Variants in AGAP1 observed in about 807,000 individuals in gnomAD.
The protein encoded by AGAP1 is ArfGAP with GTPase domain, ankyrin repeat and PH domain 1.
In AGAP1, 29 loss-of-function variants were observed where a neutral mutation model predicts 105.3. That is an observed-to-expected ratio of 0.28 (90% CI 0.21 to 0.38). The LOEUF (loss-of-function observed/expected upper bound fraction) is 0.38, where lower values mean the gene tolerates loss of function less well. Ranked by LOEUF, AGAP1 falls within the 10% of genes least tolerant of loss-of-function variation. The probability of loss-of-function intolerance (pLI) is 1.00; values close to 1 mark genes in which losing one functional copy is unlikely to be tolerated. For missense variants in AGAP1, 998 were observed against 1,165.1 expected, an observed-to-expected ratio of 0.86 and a Z score of 2.09; for synonymous variants, 509 against 485.9, an observed-to-expected ratio of 1.05 and a Z score of -0.63.
intron 1 of AGAP1, among the ~76,000 whole-genome samples, chr2:235,500,057 G>A (rs1247280432): frequency 2.0e-5 from 3 of 152,162 alleles, no homozygotes. Flanking sequence ...TGGGAACTCA[G>A]TGTCATGTGG....
Position 235,797,848 on chromosome 2 carries a change from G to A in AGAP1, c.763G>A (p.Val255Ile), listed in dbSNP as rs367742479. The A allele has an allele frequency of 2.0e-5, 32 of 1,614,190 alleles. No homozygotes were observed. Among genetic ancestry groups the A allele is most frequent in the African/African-American group, 6.7e-5 (5 of 75,044 alleles). The change falls in exon 7 of 18, where the codon GTC becomes ATC. Residue 255 changes from valine (V) to isoleucine (I), a missense_variant. This residue lies in a region of AGAP1 where 735 missense variants were observed against 833.4 expected (regional missense o/e 0.88). Coordinates refer to ENST00000304032, the MANE Select transcript of AGAP1 (RefSeq NM_001037131.3). ...ACCTAATTCTCCCAGCCATTCCTCC[G>A]TCTGTTCCGCGCAGGTGTCTGCCGT... is the stretch of plus-strand genomic sequence containing the variant. ...SLPNSPSHSS[V>I]CSAQVSAVHI...
At chr2:235,653,411 C>T (rs945350007) in intron 1 of AGAP1, among the ~76,000 whole-genome samples, 1 of 151,976 alleles carries the variant, frequency 6.6e-6, no homozygotes, top group Non-Finnish European at 1.5e-5. Context: ...TTGCAGTGAG[C>T]CGAGATAGCG....
intron 9 of AGAP1, among the ~76,000 whole-genome samples, chr2:235,810,520 A>G (rs115271056): frequency 0.015 from 2,356 of 152,264 alleles, 46 homozygotes; most frequent in African/African-American, 0.053. Context: ...GCAGCCTTCA[A>G]CACTCTCTGC....
At chr2:235,677,073 G>A (rs1240014552) in intron 1 of AGAP1, among the ~76,000 whole-genome samples, 2 of 152,214 alleles carry the variant, frequency 1.3e-5, no homozygotes, top group Admixed American at 6.5e-5. Flanking sequence ...CCCTAGAACT[G>A]TGTTTCCCAT....
rs562177691 is a variant in AGAP1 at position 235,688,944 on chromosome 2, C to T, written c.164-20235C>T. On this transcript the variant is annotated intron_variant, in intron 1 of 17. Transcript: ENST00000304032. ...CAATTGCAGCAGCAGCAGCCGCACCCGTGTAACGTTCGCCAAGCTGGGTAC... is the reference window on the plus strand; with the variant it reads ...CAATTGCAGCAGCAGCAGCCGCACCTGTGTAACGTTCGCCAAGCTGGGTAC... 5.9e-5 allele frequency among the ~76,000 whole-genome samples: 9 copies of T among 152,292 alleles called. No homozygotes were observed. In the South Asian group the frequency reaches 1.9e-3, roughly 32 times the overall value.
chr2:235,825,328 C>T (rs919064487), intron 9 of AGAP1, among the ~76,000 whole-genome samples: 1 of 152,260 alleles, frequency 6.6e-6, no homozygotes, highest in East Asian at 1.9e-4. Flanking sequence ...CTTTGAACAG[C>T]TGCCACCATG....
intron 1 of AGAP1, among the ~76,000 whole-genome samples, chr2:235,498,967 G>A (rs1038341967): frequency 6.6e-6 from 1 of 152,232 alleles, no homozygotes; most frequent in African/African-American, 2.4e-5. Flanking sequence ...AGATGGGTCA[G>A]GGTTCCCCAC....
At chr2:235,790,353 CA>C (rs1956900117) in intron 6 of AGAP1, among the ~76,000 whole-genome samples, 1 of 152,204 alleles carries the variant, frequency 6.6e-6, no homozygotes, top group South Asian at 2.1e-4. Context: ...GGTAGAGGGA[CA>C]GTTTTAGATA....
At chr2:235,507,904 C>G (rs542794486) in intron 1 of AGAP1, among the ~76,000 whole-genome samples, 10 of 152,276 alleles carry the variant, frequency 6.6e-5, no homozygotes, top group Admixed American at 6.5e-4. Flanking sequence ...TATTACAACG[C>G]ATAGTAAGTA....
At position 235,566,027 on chromosome 2, in the gene AGAP1, C is replaced by T. The variant is rs1944334807; in HGVS notation, c.163+71178C>T. Among the ~76,000 whole-genome samples the T allele has an allele frequency of 6.6e-6, 1 of 152,096 alleles. No individual in the cohort carries two copies. Among genetic ancestry groups the T allele is most frequent in the South Asian group, 2.1e-4 (1 of 4,818 alleles). On this transcript the variant is annotated intron_variant, in intron 1 of 17. Coordinates refer to ENST00000304032, the MANE Select transcript of AGAP1 (RefSeq NM_001037131.3). This position sits in a 1 kb window ranked among gnomAD's most constrained non-coding sequence, Gnocchi z 5.2. ...TAGTGAGTACTTGTACACTGATTGC[C>T]AAGATTCTGTAAACAATATTTCCCT...
At chr2:235,694,729 C>G (rs1949917818) in intron 1 of AGAP1, among the ~76,000 whole-genome samples, 1 of 152,168 alleles carries the variant, frequency 6.6e-6, no homozygotes, top group Non-Finnish European at 1.5e-5. Context: ...CAGGCATCTC[C>G]TGGGCACCTT....
chr2:235,906,556 C>T lies in AGAP1; in HGVS notation c.1156-2182C>T, dbSNP rs1408792560. Among the ~76,000 whole-genome samples the T allele has an allele frequency of 6.6e-6, 1 of 152,136 alleles. No homozygotes were observed. ...GCCCTCATGTAAAGAGGTTCTCCTC[C>T]CGCCCGTCCTGCCGTTGAGAATTCC... On this transcript the variant is annotated intron_variant, in intron 10 of 17. Transcript: ENST00000304032. The surrounding 1 kb of genome is among the most constrained non-coding windows in gnomAD (Gnocchi z 5.3).
chr2:236,028,593 CTGTTA>C (rs1271080601), intron 13 of AGAP1, among the ~76,000 whole-genome samples: 2 of 152,246 alleles, frequency 1.3e-5, no homozygotes, highest in Admixed American at 1.3e-4. Flanking sequence ...TTGCCAACTG[CTGTTA>C]TGATTTTTAA....
In AGAP1 at chr2:235,908,132, C is replaced by A. The variant is rs1159529774; in HGVS notation, c.1156-606C>A. On this transcript the variant is annotated intron_variant, in intron 10 of 17. Transcript: ENST00000304032. This position sits in a 1 kb window ranked among gnomAD's most constrained non-coding sequence, Gnocchi z 4.4. ...CTCCACAGTGAGTTAAGTGAGCTGC[C>A]AGAGAGCAGTCACTGTCCACCGAGG... Among the ~76,000 whole-genome samples the A allele has an allele frequency of 6.6e-6, 1 of 152,156 alleles. No homozygotes were observed. Among genetic ancestry groups the A allele is most frequent in the Non-Finnish European group, 1.5e-5 (1 of 68,044 alleles).
rs1173393763 is a variant in AGAP1 at position 235,807,301 on chromosome 2, T to C, written c.1020T>C (p.Ile340=). ...KKGLESRADS[I]GSGRAIPIKQ... ...GCCTGGAGAGTCGTGCGGACAGCAT[T>C]GGGAGCGGCCGAGCCATCCCAATTA... Residue 340 remains isoleucine, a synonymous_variant, in exon 9 of 18, where the codon ATT becomes ATC. Transcript: ENST00000304032. 7 of 1,602,986 alleles carry C rather than the reference T, an allele frequency of 4.4e-6. No homozygotes were observed. Among genetic ancestry groups the C allele is most frequent in the Non-Finnish European group, 5.9e-6 (7 of 1,177,208 alleles).
In AGAP1 at chr2:235,586,018, T is replaced by G. The variant is rs1456506299; in HGVS notation, c.163+91169T>G. ...CTGAGAAGTGTATTTAGGCAGGTTC[T>G]GGCAACAGACTTGGTGTTGGGCTTG... On this transcript the variant is annotated intron_variant, in intron 1 of 17. Transcript: ENST00000304032. This position sits in a 1 kb window ranked among gnomAD's most constrained non-coding sequence, Gnocchi z 4.2. 3.9e-5 allele frequency among the ~76,000 whole-genome samples: 6 copies of G among 152,162 alleles called. No individual in the cohort carries two copies. Among genetic ancestry groups the G allele is most frequent in the African/African-American group, 1.4e-4 (6 of 41,440 alleles).
At chr2:235,498,772 T>C (rs993188622) in intron 1 of AGAP1, among the ~76,000 whole-genome samples, 1 of 152,102 alleles carries the variant, frequency 6.6e-6, no homozygotes, top group Non-Finnish European at 1.5e-5. Context: ...TCCTCTGAGG[T>C]TGAGCCCTCA....
At position 235,764,161 on chromosome 2, in the gene AGAP1, C is replaced by T. The variant is rs777792919; in HGVS notation, c.673+13673C>T. On this transcript the variant is annotated intron_variant, in intron 6 of 17. Transcript: ENST00000304032. Reference sequence around the variant, plus strand: ...CCGACTGGTTGGTAGGCGCTTTTATCGGCACATGAGCACCTTACAGACAAA... The same window carrying T: ...CCGACTGGTTGGTAGGCGCTTTTATTGGCACATGAGCACCTTACAGACAAA... Among the ~76,000 whole-genome samples the T allele has an allele frequency of 3.3e-5, 5 of 152,192 alleles. No individual in the cohort carries two copies. In the East Asian group the frequency reaches 5.8e-4, roughly 18 times the overall value.
rs535916430 is a variant in AGAP1 at position 235,660,971 on chromosome 2, G to A, written c.164-48208G>A. Reference sequence around the variant, plus strand: ...TGTGGAGACTGGAGGGTGTCGGGGCGTTGAATACTGGTTAAGGAAACGGAC... The same window carrying A: ...TGTGGAGACTGGAGGGTGTCGGGGCATTGAATACTGGTTAAGGAAACGGAC... On this transcript the variant is annotated intron_variant, in intron 1 of 17. Transcript: ENST00000304032. This position sits in a 1 kb window ranked among gnomAD's most constrained non-coding sequence, Gnocchi z 5.3. Among the ~76,000 whole-genome samples the A allele has an allele frequency of 5.9e-5, 9 of 152,310 alleles. No homozygotes were observed. In the East Asian group the frequency reaches 7.7e-4, roughly 13 times the overall value.
Sources: allele counts gnomAD v4.1 joint callset (sites outside exome capture counted in the v4.1 genomes callset), GRCh38; gene constraint gnomAD v4.1.1; regional missense constraint gnomAD v4.1.1; non-coding constraint Gnocchi (gnomAD v3.1); transcripts MANE v1.5; gene names NCBI Gene and HGNC (gene_info 2026-07-23, HGNC 2026-07-21).